The following SH3KBP1 variants were observed in gnomAD, a reference collection of about 807,000 sequenced individuals.
SH3KBP1 encodes the protein SH3 domain-containing kinase-binding protein 1.
Under a neutral mutation model 50.1 loss-of-function variants are expected in SH3KBP1, and 8 were observed. That is an observed-to-expected ratio of 0.16 (90% confidence interval 0.09 to 0.29). SH3KBP1 has a LOEUF of 0.29. Ranked by LOEUF, SH3KBP1 falls within the 10% of genes least tolerant of loss-of-function variation. The pLI is 1.00. For synonymous variants in SH3KBP1, 227 were observed against 218.6 expected (o/e 1.04, Z -0.34); for missense variants, 377 against 535.2 (o/e 0.70, Z 2.92).
At chrX:19,807,884 C>T (rs1377762748) in intron 2 of SH3KBP1, among the ~76,000 whole-genome samples, 1 of 112,559 alleles carries the variant, frequency 8.9e-6, no homozygotes, top group Admixed American at 9.4e-5. Context: ...TGGTTGAAAG[C>T]CAGACATTTC....
At chrX:19,586,949 C>T (rs1299631798) in intron 12 of SH3KBP1, among the ~76,000 whole-genome samples, 3 of 111,598 alleles carry the variant, frequency 2.7e-5, no homozygotes, top group Non-Finnish European at 5.7e-5. Context: ...CCACCGGGCA[C>T]GGTGGCTCAC....
chrX:19,591,375 T>C (rs1270193990), intron 11 of SH3KBP1, among the ~76,000 whole-genome samples: 3 of 111,904 alleles, frequency 2.7e-5, no homozygotes, highest in Admixed American at 9.5e-5. Context: ...TTCTACAGTA[T>C]GCAGAATTCT....
chrX:19,755,724 C>G (rs2065190943), intron 2 of SH3KBP1, among the ~76,000 whole-genome samples: 1 of 112,234 alleles, frequency 8.9e-6, no homozygotes, highest in Non-Finnish European at 1.9e-5. Flanking sequence ...GCCTAGGAAC[C>G]AGACCTGAAA....
At chrX:19,819,677 C>A (rs1225387391) in intron 2 of SH3KBP1, among the ~76,000 whole-genome samples, 1 of 111,198 alleles carries the variant, frequency 9.0e-6, no homozygotes, top group Non-Finnish European at 1.9e-5. Context: ...CTGGCTTTTT[C>A]ATTGATATTC....
At chrX:19,790,422 G>C (rs978291345) in intron 2 of SH3KBP1, among the ~76,000 whole-genome samples, 39 of 111,659 alleles carry the variant, frequency 3.5e-4, no homozygotes, top group African/African-American at 1.3e-3. Flanking sequence ...GTCCAGGAGA[G>C]AGCCCTCCTT....
intron 1 of SH3KBP1, among the ~76,000 whole-genome samples, chrX:19,872,252 C>CAAAAAAAAAAAAAAAAAAAAGAAAA (rs2069066273): frequency 5.3e-5 from 2 of 37,965 alleles, no homozygotes; most frequent in East Asian, 9.4e-4. Flanking sequence ...AACTTCATCT[C>CAAAAAAAAAAAAAAAAAAAAGAAAA]AAAAAAAAAA....
At chrX:19,550,958 C>G (rs1241723853) in intron 13 of SH3KBP1, among the ~76,000 whole-genome samples, 1 of 111,312 alleles carries the variant, frequency 9.0e-6, no homozygotes, top group Non-Finnish European at 1.9e-5. Flanking sequence ...GCCATAACTG[C>G]AGCTATACTG....
intron 6 of SH3KBP1, among the ~76,000 whole-genome samples, chrX:19,675,078 C>CAAATAAATAAATAAATAAAT (rs112493377): frequency 9.4e-6 from 1 of 106,673 alleles, no homozygotes; most frequent in African/African-American, 3.5e-5. Context: ...GACCCTGCCT[C>CAAATAAATAAATAAATAAAT]AAATAAATAA....
intron 1 of SH3KBP1, among the ~76,000 whole-genome samples, chrX:19,882,777 G>A (rs753961281): frequency 2.9e-4 from 32 of 111,652 alleles, no homozygotes; most frequent in Non-Finnish European, 4.9e-4. Context: ...AGGATGGAGG[G>A]TAAAGGATGC....
chrX:19,773,185 G>A (rs920775762), intron 2 of SH3KBP1, among the ~76,000 whole-genome samples: 4 of 111,297 alleles, frequency 3.6e-5, no homozygotes, highest in Non-Finnish European at 5.7e-5. Context: ...GGTAGCCTTA[G>A]TAGCTGTGTT....
rs1456090325 is a variant in SH3KBP1, at chrX:19,627,111, C to A, written c.897+4753G>T. Among the ~76,000 whole-genome samples the A allele has an allele frequency of 2.7e-5, 3 of 112,197 alleles. No homozygotes were observed. The East Asian group carries it at 8.3e-4, about 31-fold the overall frequency. On this transcript the variant is annotated intron_variant, in intron 8 of 17. Transcript: ENST00000397821. ...CCAAGGAAGCCTGTTTGATAAGAAA[C>A]ACCTAAAGGTCCTTGTTTACAATAG...
At chrX:19,726,424 C>T (rs754183558) in intron 3 of SH3KBP1, among the ~76,000 whole-genome samples, 9 of 111,715 alleles carry the variant, frequency 8.1e-5, no homozygotes, top group African/African-American at 2.9e-4. Flanking sequence ...GATGTCTCCA[C>T]TACAACATTT....
rs1175802634 is a variant in SH3KBP1 at position 19,776,532 on chromosome X, G to GTTTTTGTTTT, written c.163-30092_163-30091insAAAACAAAAA. Among the ~76,000 whole-genome samples the GTTTTTGTTTT allele has an allele frequency of 7.0e-4, 18 of 25,685 alleles. 2 individuals carry two copies. Among genetic ancestry groups the GTTTTTGTTTT allele is most frequent in the African/African-American group, 3.0e-3 (18 of 5,945 alleles). The allele number at this position is 25,685 out of a possible 115,157, so 22.3% of individuals were successfully genotyped here. ...ATTCTAAATCTAGCTTGACAACCTG[G>GTTTTTGTTTT]TTTTTTTTTTTTTTTTTTTTTTTTT... On this transcript the variant is annotated intron_variant, in intron 2 of 17. Coordinates refer to ENST00000397821, the MANE Select transcript of SH3KBP1 (RefSeq NM_031892.3).
At chrX:19,857,129 G>A (rs2068668907) in intron 1 of SH3KBP1, among the ~76,000 whole-genome samples, 1 of 108,022 alleles carries the variant, frequency 9.3e-6, no homozygotes, top group African/African-American at 3.4e-5. Context: ...AGGACTGGAG[G>A]CGGGGAGGGC....
At chrX:19,564,850 C>T (rs55824968) in intron 13 of SH3KBP1, among the ~76,000 whole-genome samples, 3,596 of 109,137 alleles carry the variant, frequency 0.033, 148 homozygotes, top group African/African-American at 0.11. Context: ...GGCTATCCTA[C>T]ACACTGGTGG....
intron 6 of SH3KBP1, among the ~76,000 whole-genome samples, chrX:19,683,542 G>A (rs187262027): frequency 9.0e-6 from 1 of 111,303 alleles, no homozygotes; most frequent in Non-Finnish European, 1.9e-5. Context: ...GGTTTTTCTG[G>A]GAAGCAGATA....
chrX:19,538,525 T>C (rs2064786148), intron 16 of SH3KBP1, among the ~76,000 whole-genome samples: 1 of 110,194 alleles, frequency 9.1e-6, no homozygotes, highest in African/African-American at 3.3e-5. Context: ...GTAATTTTTA[T>C]TGCAGATGTT....
At chrX:19,756,933 C>G (rs1176027781) in intron 2 of SH3KBP1, among the ~76,000 whole-genome samples, 1 of 108,303 alleles carries the variant, frequency 9.2e-6, no homozygotes, top group Non-Finnish European at 1.9e-5. Context: ...ATGTACGCCT[C>G]TGTGTGTAAT....
chrX:19,708,983 C>T (rs1349055094), intron 3 of SH3KBP1, among the ~76,000 whole-genome samples: 2 of 111,580 alleles, frequency 1.8e-5, no homozygotes, highest in Non-Finnish European at 3.8e-5. Context: ...TTCAAAAAAC[C>T]CTCTGTAAAA....
Sources: allele counts gnomAD v4.1 joint callset (sites outside exome capture counted in the v4.1 genomes callset), GRCh38; gene constraint gnomAD v4.1.1; transcripts MANE v1.5; gene names NCBI Gene and HGNC (gene_info 2026-07-23, HGNC 2026-07-21).